Variants in LIMCH1 observed in about 807,000 individuals in gnomAD.
LIMCH1 encodes LIM and calponin homology domains-containing protein 1.
In LIMCH1, 113 loss-of-function variants were observed where a neutral mutation model predicts 176.5. The observed-to-expected ratio is 0.64, with a 90% CI of 0.55 to 0.75. The LOEUF is 0.75. Ranked by LOEUF, LIMCH1 falls within the 30% of genes least tolerant of loss-of-function variation. The pLI is 0.00. For synonymous variants in LIMCH1, 619 were observed against 645.9 expected (o/e 0.96, Z 0.63); for missense variants, 1,674 against 1,814.9 (o/e 0.92, Z 1.41).
At chr4:41,376,702 G>T (rs2054820454) in intron 1 of LIMCH1, among the ~76,000 whole-genome samples, 1 of 152,092 alleles carries the variant, frequency 6.6e-6, no homozygotes, top group African/African-American at 2.4e-5. Flanking sequence ...ACATATTTCT[G>T]GGAAAAAGAA....
chr4:41,576,347 G>GA (rs1320598611), intron 1 of LIMCH1, among the ~76,000 whole-genome samples: 1 of 151,994 alleles, frequency 6.6e-6, no homozygotes, highest in Non-Finnish European at 1.5e-5. Flanking sequence ...GCTTATGTCA[G>GA]AAAAAATGAA....
At chr4:41,497,256 T>C (rs1040749241) in intron 2 of LIMCH1, among the ~76,000 whole-genome samples, 1 of 152,014 alleles carries the variant, frequency 6.6e-6, no homozygotes, top group East Asian at 1.9e-4. Flanking sequence ...TAGTAGCAAC[T>C]GTGTAGAGAC....
rs1297019533 is a variant in LIMCH1 at position 41,689,604 on chromosome 4, T to G, written c.4244T>G (p.Leu1415Arg). ...GGAGCTGCAATGATCATCGAGACCC[T>G]CAATCTCTATTTTCACATCCAGTGT... ...GKGAAMIIET[L>R]NLYFHIQCFR... Residue 1415 changes from leucine to arginine, a missense_variant, in exon 30 of 32, where the codon CTC becomes CGC. Physicochemically the swap from Leu to Arg is moderately radical, Grantham distance 102. Around this residue, in one of 3 missense-constraint regions of LIMCH1, gnomAD observed 1,015 missense variants for 1,102.5 expected, o/e 0.92. Coordinates refer to ENST00000503057, the MANE Select transcript of LIMCH1 (RefSeq NM_001330672.2). 1 of 1,610,422 alleles carries G rather than the reference T, an allele frequency of 6.2e-7. No individual in the cohort carries two copies. Among genetic ancestry groups the G allele is most frequent in the Non-Finnish European group, 8.5e-7 (1 of 1,176,912 alleles).
chr4:41,635,619 C>G (rs1585136320), intron 13 of LIMCH1, among the ~76,000 whole-genome samples: 1 of 152,162 alleles, frequency 6.6e-6, no homozygotes, highest in South Asian at 2.1e-4. Context: ...GTCAGGTGAA[C>G]TATGTGACAT....
chr4:41,412,087 CT>C (rs2059546407), intron 1 of LIMCH1, among the ~76,000 whole-genome samples: 2 of 148,424 alleles, frequency 1.3e-5, no homozygotes, highest in Admixed American at 6.7e-5. Flanking sequence ...CTATGTCCAA[CT>C]AAGTTCCCTT....
At chr4:41,501,464 G>A (rs2073253388) in intron 2 of LIMCH1, among the ~76,000 whole-genome samples, 1 of 152,222 alleles carries the variant, frequency 6.6e-6, no homozygotes, top group South Asian at 2.1e-4. Flanking sequence ...ATTGCTTGAT[G>A]CTGAAATCAA....
intron 1 of LIMCH1, among the ~76,000 whole-genome samples, chr4:41,440,736 T>C (rs2062613099): frequency 6.6e-6 from 1 of 152,164 alleles, no homozygotes; most frequent in Admixed American, 6.5e-5. Flanking sequence ...TTTTGCCATG[T>C]TGGCCAACCT....
intron 18 of LIMCH1, among the ~76,000 whole-genome samples, chr4:41,660,669 G>A (rs1016770625): frequency 2.6e-5 from 4 of 152,172 alleles, no homozygotes; most frequent in African/African-American, 9.7e-5. Context: ...GGAGGAGAAG[G>A]CCATTGACCC....
At chr4:41,522,196 C>G (rs2076188740) in intron 2 of LIMCH1, among the ~76,000 whole-genome samples, 1 of 152,098 alleles carries the variant, frequency 6.6e-6, no homozygotes, top group Non-Finnish European at 1.5e-5. Flanking sequence ...GTCAGCTCTG[C>G]AGTCATCAGT....
chr4:41,447,917 A>G (rs965931188), intron 1 of LIMCH1, among the ~76,000 whole-genome samples: 1 of 152,048 alleles, frequency 6.6e-6, no homozygotes, highest in African/African-American at 2.4e-5. Context: ...CAGCCTGCCT[A>G]GTAGCTGGGA....
rs759764372 is a variant in LIMCH1, at chr4:41,692,305, T to C, written c.4299T>C (p.Leu1433=). 6.2e-7 allele frequency: 1 copy of C among 1,612,392 alleles called. No individual in the cohort carries two copies. Among genetic ancestry groups the C allele is most frequent in the South Asian group, 1.1e-5 (1 of 91,044 alleles). ...CFRCGICKGQ[L]GDAVSGTDVR... ...AGTGTGGAATTTGTAAAGGCCAGCT[T>C]GGAGATGCAGTGAGTGGGACGGATG... is the stretch of plus-strand genomic sequence containing the variant. Residue 1433 remains leucine (L), a synonymous_variant, in exon 31 of 32, where the codon CTT becomes CTC. Coordinates refer to ENST00000503057, the MANE Select transcript of LIMCH1 (RefSeq NM_001330672.2).
chr4:41,360,858 C>G lies in LIMCH1; in HGVS notation c.18C>G (p.Leu6=), dbSNP rs987677117. The change falls in exon 1 of 27, where the codon CTC becomes CTG. Residue 6 remains leucine, a synonymous_variant. Coordinates refer to the LIMCH1 transcript ENST00000313860. This position sits in a 1 kb window ranked among gnomAD's most constrained non-coding sequence, Gnocchi z 4.5. ...CTGCGCAAATGGCTTGTCCCGCTCTCGGTCTGGAAGCTCTTCAGCCCCTGC... is the reference window on the plus strand; with the variant it reads ...CTGCGCAAATGGCTTGTCCCGCTCTGGGTCTGGAAGCTCTTCAGCCCCTGC... The G allele has an allele frequency of 3.2e-6, 5 of 1,570,450 alleles. No individual in the cohort carries two copies. Among genetic ancestry groups the G allele is most frequent in the Middle Eastern group, 1.9e-4 (1 of 5,376 alleles).
At chr4:41,503,675 C>T (rs1470944428) in intron 2 of LIMCH1, among the ~76,000 whole-genome samples, 1 of 152,182 alleles carries the variant, frequency 6.6e-6, no homozygotes, top group Admixed American at 6.5e-5. Flanking sequence ...CCTCTCTAAA[C>T]TATGGAGTGA....
intron 2 of LIMCH1, among the ~76,000 whole-genome samples, chr4:41,496,413 T>TAC (rs935904619): frequency 1.4e-4 from 21 of 152,284 alleles, no homozygotes; most frequent in African/African-American, 5.1e-4. Context: ...AAGAGTTTGC[T>TAC]AAAGTGGAAT....
At chr4:41,409,369 T>A (rs1055722461) in intron 1 of LIMCH1, among the ~76,000 whole-genome samples, 1 of 152,152 alleles carries the variant, frequency 6.6e-6, no homozygotes, top group Non-Finnish European at 1.5e-5. Flanking sequence ...AGGCCCAGAA[T>A]ATCAAGGAGA....
chr4:41,638,163 A>G (rs993074296), intron 13 of LIMCH1, among the ~76,000 whole-genome samples: 1 of 151,968 alleles, frequency 6.6e-6, no homozygotes. Flanking sequence ...ATGGCTTGTA[A>G]TGTTCTAATA....
chr4:41,527,091 ATAAAT>A (rs1391582012), intron 3 of LIMCH1, among the ~76,000 whole-genome samples: 2 of 152,254 alleles, frequency 1.3e-5, no homozygotes, highest in African/African-American at 2.4e-5. Context: ...AAAAAATAAA[ATAAAT>A]TAAATAAAAC....
intron 1 of LIMCH1, among the ~76,000 whole-genome samples, chr4:41,436,576 G>A (rs1005603802): frequency 6.6e-6 from 1 of 152,114 alleles, no homozygotes; most frequent in African/African-American, 2.4e-5. Flanking sequence ...TTTTATCATC[G>A]GGATTGTAGA....
chr4:41,661,173 GTGGGATGTGCGTCCAAGGCAGTCA>G (rs2094604809), intron 18 of LIMCH1, among the ~76,000 whole-genome samples: 1 of 152,168 alleles, frequency 6.6e-6, no homozygotes, highest in Non-Finnish European at 1.5e-5. Context: ...AAAAGAAAAT[GTGGGATGTGCGTCCAAGGCAGTCA>G]TAGGAGGTTT....
Sources: allele counts gnomAD v4.1 joint callset (sites outside exome capture counted in the v4.1 genomes callset), GRCh38; gene constraint gnomAD v4.1.1; regional missense constraint gnomAD v4.1.1; non-coding constraint Gnocchi (gnomAD v3.1); transcripts MANE v1.5; gene names NCBI Gene and HGNC (gene_info 2026-07-23, HGNC 2026-07-21).